The following CALR3 variants were observed in gnomAD, a reference collection of about 807,000 sequenced individuals.
The protein encoded by CALR3 is calreticulin 3, also known as calreticulin-3.
A neutral mutation model predicts 48.7 loss-of-function variants in CALR3; 39 were observed. That is an observed-to-expected ratio of 0.80 (90% CI 0.62 to 1.05). The LOEUF (loss-of-function observed/expected upper bound fraction) is 1.05. CALR3 is among the 50% of genes least tolerant of loss of function. The pLI is 0.00. For missense variants in CALR3, 449 were observed against 474.7 expected (o/e 0.95, Z 0.50); for synonymous variants, 185 against 172.7 (o/e 1.07, Z -0.56).
chr19:16,479,376 G>A (rs1163289016), intron 8 of CALR3, 102 bp from the exon 9 acceptor site: 5 of 1,309,842 alleles, frequency 3.8e-6, no homozygotes, highest in Non-Finnish European at 4.4e-6. Context: ...ACGAAGTCAG[G>A]AGATCGAGAC....
chr19:16,481,481 T>G (rs1375630741), intron 7 of CALR3, among the ~76,000 whole-genome samples: 1 of 148,518 alleles, frequency 6.7e-6, no homozygotes, highest in Admixed American at 6.8e-5. Flanking sequence ...GTTTTTTTTT[T>G]TTTTTTTTTT....
intron 3 of CALR3, among the ~76,000 whole-genome samples, chr19:16,487,792 C>T (rs1192599373): frequency 6.6e-6 from 1 of 151,538 alleles, no homozygotes; most frequent in African/African-American, 2.4e-5. Flanking sequence ...AGGCATGCGC[C>T]ACCACGCCCA....
At chr19:16,491,734 A>G (rs1409908720) in intron 2 of CALR3, among the ~76,000 whole-genome samples, 1 of 149,752 alleles carries the variant, frequency 6.7e-6, no homozygotes, top group Non-Finnish European at 1.5e-5. Context: ...CCGAGATTGC[A>G]CCGCTGCACT....
At chr19:16,484,206 C>G in intron 4 of CALR3, 91 bp from the exon 5 acceptor site, 1 of 1,199,404 alleles carries the variant, frequency 8.3e-7, no homozygotes, top group Non-Finnish European at 1.1e-6. Flanking sequence ...GAGATGGAGT[C>G]TCACTCTGTC....
intron 8 of CALR3, among the ~76,000 whole-genome samples, chr19:16,479,587 C>CA (rs1159976271): frequency 1.6e-3 from 129 of 82,574 alleles, no homozygotes; most frequent in Middle Eastern, 6.6e-3. Flanking sequence ...GACTCTGTCT[C>CA]AAAAAAAAAA....
chr19:16,495,698 G>A (rs1011336230), intron 2 of CALR3, 53 bp downstream of exon 2: 4 of 1,377,414 alleles, frequency 2.9e-6, no homozygotes, highest in Non-Finnish European at 3.1e-6. Flanking sequence ...ACCTAGAGAG[G>A]TTGCTATGGA....
chr19:16,482,376 C>G, intron 7 of CALR3, 74 bp downstream of exon 7: 1 of 1,495,512 alleles, frequency 6.7e-7, no homozygotes, highest in Non-Finnish European at 8.9e-7. Context: ...GAGACCCTGT[C>G]TCAACAAAAC....
Position 16,490,763 on chromosome 19 carries a change from AT to A in CALR3, c.194-194del, listed in dbSNP as rs78242115. Among the ~76,000 whole-genome samples the A allele has an allele frequency of 0.71, 106,004 of 149,700 alleles. 37,794 individuals carry two copies. Among genetic ancestry groups the A allele is most frequent in the South Asian group, 0.81 (3,840 of 4,724 alleles). ...CTAGCAGGCACTCTGCTTCTATATA[AT>A]TTTTTTTTTTTGACATGGAGTCTCA... On this transcript the variant is annotated intron_variant, in intron 2 of 8. Coordinates refer to ENST00000269881, the MANE Select transcript of CALR3 (RefSeq NM_145046.5).
At chr19:16,490,314 G>A in intron 3 of CALR3, 53 bp downstream of exon 3, 1 of 1,493,498 alleles carries the variant, frequency 6.7e-7, no homozygotes, top group African/African-American at 1.4e-5. Flanking sequence ...CCTGTGAAGT[G>A]GGAGGGTTTT....
At position 16,488,435 on chromosome 19, in the gene CALR3, C is replaced by T. The variant is rs548965801; in HGVS notation, c.397+1932G>A. On this transcript the variant is annotated intron_variant, in intron 3 of 8. Transcript: ENST00000269881. ...CATTCTTTTTTTGGAGATGGAGTCT[C>T]GTTCTGTTACCCAGGCTGGAGTGCA... Among the ~76,000 whole-genome samples the T allele has an allele frequency of 3.9e-5, 6 of 152,154 alleles. No homozygotes were observed. In the East Asian group the frequency reaches 5.8e-4, roughly 15 times the overall value.
chr19:16,484,023 G>A lies in CALR3; in HGVS notation c.585C>T (p.Ser195=), dbSNP rs1352290392. ...ATGTTAAGTTCCAGTCGTACTCTAT[G>A]CTGCCGGATTCAATTGACTGACCAT... is the stretch of plus-strand genomic sequence containing the variant. The part of the protein sequence containing the change: ...KIDGQSIESG[S]IEYDWNLTSL... Residue 195 remains serine (S), a synonymous_variant, in exon 5 of 9, where the codon AGC becomes AGT. Coordinates refer to ENST00000269881, the MANE Select transcript of CALR3 (RefSeq NM_145046.5). 4 of 1,614,070 alleles carry A rather than the reference G, an allele frequency of 2.5e-6. No individual in the cohort carries two copies. The highest frequency in any genetic ancestry group is 1.7e-5 in the Admixed American group (1 of 59,974).
At chr19:16,492,030 C>T (rs887775553) in intron 2 of CALR3, among the ~76,000 whole-genome samples, 6 of 151,754 alleles carry the variant, frequency 4.0e-5, no homozygotes, top group Non-Finnish European at 8.8e-5. Flanking sequence ...GGTTTCACCA[C>T]GTTGCCCAGG....
intron 1 of CALR3, 87 bp downstream of exon 1, chr19:16,495,952 C>G: frequency 6.4e-7 from 1 of 1,557,432 alleles, no homozygotes; most frequent in Non-Finnish European, 8.8e-7. Context: ...GGTTCGCTGC[C>G]GTGGACCCCG....
intron 6 of CALR3, 26 bp from the exon 7 acceptor site, chr19:16,482,607 G>A: frequency 6.2e-7 from 1 of 1,614,028 alleles, no homozygotes; most frequent in Non-Finnish European, 8.5e-7. Context: ...CATATGGGGT[G>A]GTCTCAATGA....
At position 16,490,516 on chromosome 19, in the gene CALR3, G is replaced by T. The variant is rs764305082; in HGVS notation, c.248C>A (p.Pro83Gln). 6.2e-7 allele frequency: 1 copy of T among 1,614,122 alleles called. No homozygotes were observed. The highest frequency in any genetic ancestry group is 8.5e-7 in the Non-Finnish European group (1 of 1,180,022). ...CAGAGTTTTCCCTTTATTGCTGAAC[G>T]GTTTGAAGCGTGCAGAGATGGCATA... ...RFYAISARFK[P>Q]FSNKGKTLVI... Residue 83 changes from proline to glutamine, a missense_variant, in exon 3 of 9, where the codon CCG becomes CAG. Transcript: ENST00000269881.
At chr19:16,482,272 C>CT (rs1203769905) in intron 7 of CALR3, among the ~76,000 whole-genome samples, 178 bp downstream of exon 7, 1 of 151,546 alleles carries the variant, frequency 6.6e-6, no homozygotes, top group Non-Finnish European at 1.5e-5. Flanking sequence ...GTCCTAGCTA[C>CT]TTGGGAGGCT....
intron 4 of CALR3, among the ~76,000 whole-genome samples, chr19:16,484,617 A>G (rs986729185): frequency 2.6e-5 from 4 of 152,144 alleles, no homozygotes; most frequent in Non-Finnish European, 4.4e-5. Flanking sequence ...TCCCAGGCTC[A>G]AGTGACCCTC....
chr19:16,489,289 T>C (rs1218649204), intron 3 of CALR3, among the ~76,000 whole-genome samples: 2 of 151,880 alleles, frequency 1.3e-5, no homozygotes, highest in African/African-American at 4.8e-5. Flanking sequence ...GTTCGATACC[T>C]GCCAGGAGTT....
At chr19:16,494,899 T>A (rs759253204) in intron 2 of CALR3, among the ~76,000 whole-genome samples, 65 of 152,104 alleles carry the variant, frequency 4.3e-4, no homozygotes, top group Admixed American at 1.2e-3. Flanking sequence ...GCTGAATATG[T>A]CTCCTTGGAC....
Sources: gnomAD v4.1 joint callset for allele counts (sites outside exome capture counted in the v4.1 genomes callset) on GRCh38, gnomAD v4.1.1 for gene constraint, MANE v1.5 for transcripts, NCBI Gene and HGNC (gene_info 2026-07-23, HGNC 2026-07-21) for gene names.